The following RAI1 variants were observed in gnomAD, a reference collection of about 807,000 sequenced individuals.
RAI1 encodes retinoic acid-induced protein 1.
RAI1 carries 9 observed loss-of-function variants against 123.8 expected under a neutral mutation model. The ratio of observed to expected loss-of-function variants is 0.07; its 90% CI spans 0.04 to 0.13. The LOEUF (loss-of-function observed/expected upper bound fraction) is 0.13. Ranked by LOEUF, RAI1 falls within the 10% of genes least tolerant of loss-of-function variation. The pLI is 1.00. For missense variants in RAI1, 2,256 were observed against 2,545.8 expected, an observed-to-expected ratio of 0.89 and a Z score of 2.45; for synonymous variants, 1,231 against 1,127.3, an observed-to-expected ratio of 1.09 and a Z score of -1.84.
chr17:17,790,539 G>C lies in RAI1; in HGVS notation c.-16-2394G>C, dbSNP rs1057194938. Among the ~76,000 whole-genome samples, 5 of 152,154 alleles carry C rather than the reference G, an allele frequency of 3.3e-5. No homozygotes were observed. In the East Asian group the frequency reaches 5.8e-4, roughly 18 times the overall value. The stretch of plus-strand genomic sequence containing the variant: ...GGAATGCAGACGGACAGGCAGGGAG[G>C]GGGTACTGGTAATAGCACCCCCTCA... On this transcript the variant is annotated intron_variant, in intron 2 of 5. Coordinates refer to ENST00000353383, the MANE Select transcript of RAI1 (RefSeq NM_030665.4).
intron 2 of RAI1, among the ~76,000 whole-genome samples, chr17:17,761,410 C>T (rs2030691739): frequency 6.6e-6 from 1 of 152,174 alleles, no homozygotes. Flanking sequence ...AGCACCTACT[C>T]TGTGCCAGGC....
Position 17,795,482 on chromosome 17 carries a change from G to T in RAI1, c.2534G>T (p.Cys845Phe). 5 of 1,585,208 alleles carry T rather than the reference G, an allele frequency of 3.2e-6. No homozygotes were observed. Among genetic ancestry groups the T allele is most frequent in the Non-Finnish European group, 4.3e-6 (5 of 1,165,892 alleles). Residue 845 changes from cysteine to phenylalanine, a missense_variant, in exon 3 of 6, where the codon TGT (cysteine) becomes TTT (phenylalanine). Physicochemically the swap from Cys to Phe is radical, Grantham distance 205 (BLOSUM62 -2). Coordinates refer to ENST00000353383, the MANE Select transcript of RAI1 (RefSeq NM_030665.4). This position sits in a 1 kb window ranked among gnomAD's most constrained non-coding sequence, Gnocchi z 5.9. ...DRWLEDSRHCCSTADFGDLPL... is the reference protein window; with the variant it reads ...DRWLEDSRHCFSTADFGDLPL... ...TGGCTGGAGGACAGCCGGCACTGCT[G>T]TTCCACCGCCGACTTCGGGGACCTC...
intron 2 of RAI1, among the ~76,000 whole-genome samples, chr17:17,725,788 C>A (rs554489555): frequency 6.6e-6 from 1 of 152,194 alleles, no homozygotes; most frequent in Admixed American, 6.5e-5. Context: ...GCTGGCAACC[C>A]AGGCAGGTGA....
At chr17:17,715,227 G>A (rs116998442) in intron 1 of RAI1, among the ~76,000 whole-genome samples, 1 of 152,372 alleles carries the variant, frequency 6.6e-6, no homozygotes, top group East Asian at 1.9e-4. Context: ...GGCTCTGCCT[G>A]TTTCCTCTGC....
chr17:17,752,337 C>CG (rs947857292), intron 2 of RAI1, among the ~76,000 whole-genome samples: 3 of 152,202 alleles, frequency 2.0e-5, no homozygotes, highest in Non-Finnish European at 4.4e-5. Flanking sequence ...TGCGGAGGGG[C>CG]GGGGCGGGGT....
At chr17:17,682,334 T>TGTCCCTACCCGGGCAGC (rs1173548520) in intron 1 of RAI1, among the ~76,000 whole-genome samples, 2 of 150,668 alleles carry the variant, frequency 1.3e-5, no homozygotes, top group Non-Finnish European at 3.0e-5. Context: ...CTCTCTGCGG[T>TGTCCCTACCCGGGCAGC]GTCCCTACCC....
At chr17:17,725,691 T>C (rs1354218329) in intron 2 of RAI1, among the ~76,000 whole-genome samples, 2 of 152,078 alleles carry the variant, frequency 1.3e-5, no homozygotes, top group African/African-American at 2.4e-5. Flanking sequence ...TCAGCCTTAA[T>C]TGGATTCCCA....
chr17:17,701,775 CCCCTTCCAGTCCCATCCCTCCT>C (rs1915232413), intron 1 of RAI1, among the ~76,000 whole-genome samples: 1 of 152,170 alleles, frequency 6.6e-6, no homozygotes, highest in African/African-American at 2.4e-5. Flanking sequence ...CTCCTTTCTG[CCCCTTCCAGTCCCATCCCTCCT>C]CCCTTTGTGC....
chr17:17,753,929 C>T (rs1275788620), intron 2 of RAI1, among the ~76,000 whole-genome samples: 1 of 152,190 alleles, frequency 6.6e-6, no homozygotes, highest in African/African-American at 2.4e-5. Flanking sequence ...ATGTGCTTGT[C>T]CACACACACT....
intron 1 of RAI1, among the ~76,000 whole-genome samples, chr17:17,682,738 C>T (rs931482349): frequency 1.3e-5 from 2 of 152,144 alleles, no homozygotes; most frequent in Non-Finnish European, 2.9e-5. Flanking sequence ...CTGGGGCGCC[C>T]GTTTTCCCGG....
At chr17:17,783,531 G>A (rs2031697778) in intron 2 of RAI1, among the ~76,000 whole-genome samples, 1 of 152,186 alleles carries the variant, frequency 6.6e-6, no homozygotes, top group South Asian at 2.1e-4. Flanking sequence ...TGAAACATCT[G>A]TTGCAGAGGG....
chr17:17,724,324 C>G (rs1445828565), intron 2 of RAI1, among the ~76,000 whole-genome samples, 165 bp downstream of exon 2: 2 of 150,358 alleles, frequency 1.3e-5, no homozygotes, highest in Non-Finnish European at 3.0e-5. Flanking sequence ...AGGATCTTGG[C>G]TGGAGTTGCG....
intron 1 of RAI1, among the ~76,000 whole-genome samples, chr17:17,686,998 T>C (rs1350240807): frequency 6.6e-6 from 1 of 152,140 alleles, no homozygotes; most frequent in Non-Finnish European, 1.5e-5. Flanking sequence ...TCTTTCTTTT[T>C]TTTGAGATGG....
At position 17,797,511 on chromosome 17, in the gene RAI1, G is replaced by A. The variant is rs757198341; in HGVS notation, c.4563G>A (p.Arg1521=). 6.2e-7 allele frequency: 1 copy of A among 1,613,600 alleles called. No homozygotes were observed. The highest frequency in any genetic ancestry group is 8.5e-7 in the Non-Finnish European group (1 of 1,179,800). Reference sequence around the variant, plus strand: ...GCAGGCCCTGCCAGCCCCAGACAAGGGCACAGAAACAGCCAGGCCACACCA... The same window carrying A: ...GCAGGCCCTGCCAGCCCCAGACAAGAGCACAGAAACAGCCAGGCCACACCA... ...PEGRPCQPQT[R]AQKQPGHTNY... The change falls in exon 3 of 6, where the codon AGG becomes AGA. Residue 1521 remains arginine, a synonymous_variant. Transcript: ENST00000353383.
In RAI1 at chr17:17,801,373, G is replaced by A. The variant is rs2032457071; in HGVS notation, c.5566-2383G>A. ...CTCTTGGGTAGCTGGGGTCAGAAGG[G>A]CCTGAGGCCTCACTCTCTCTGCATC... On this transcript the variant is annotated intron_variant, in intron 3 of 5. Transcript: ENST00000353383. The surrounding 1 kb of genome is among the most constrained non-coding windows in gnomAD (Gnocchi z 4.1). Among the ~76,000 whole-genome samples, 1 of 152,160 alleles carries A rather than the reference G, an allele frequency of 6.6e-6. No individual in the cohort carries two copies. The highest frequency in any genetic ancestry group is 2.4e-5 in the African/African-American group (1 of 41,420).
At chr17:17,733,938 G>A (rs955146574) in intron 2 of RAI1, among the ~76,000 whole-genome samples, 2 of 152,130 alleles carry the variant, frequency 1.3e-5, no homozygotes, top group African/African-American at 4.8e-5. Context: ...CAATGCAAAG[G>A]TCTGGCCATC....
chr17:17,703,271 G>A (rs972544078), intron 1 of RAI1, among the ~76,000 whole-genome samples: 2 of 152,116 alleles, frequency 1.3e-5, no homozygotes, highest in African/African-American at 2.4e-5. Context: ...GGACAGCCGC[G>A]CCCCCTACTG....
chr17:17,784,477 G>A (rs2031748926), intron 2 of RAI1, among the ~76,000 whole-genome samples: 2 of 152,244 alleles, frequency 1.3e-5, no homozygotes, highest in African/African-American at 4.8e-5. Context: ...TGGGCGTCCT[G>A]CACAAGCCAC....
At chr17:17,798,642 G>C (rs1016526039) in intron 3 of RAI1, 129 bp downstream of exon 3, 1 of 1,462,024 alleles carries the variant, frequency 6.8e-7, no homozygotes, top group African/African-American at 1.4e-5. Context: ...GGGACAATCT[G>C]CAGAGTCCTG....
Sources: gnomAD v4.1 joint callset for allele counts (sites outside exome capture counted in the v4.1 genomes callset) on GRCh38, gnomAD v4.1.1 for gene constraint, Gnocchi (gnomAD v3.1) non-coding constraint, MANE v1.5 for transcripts, NCBI Gene and HGNC (gene_info 2026-07-23, HGNC 2026-07-21) for gene names.